The following CABLES1 variants were observed in gnomAD, a reference collection of about 807,000 sequenced individuals.
CABLES1 encodes the protein Cdk5 and Abl enzyme substrate 1.
In CABLES1, 36 loss-of-function variants were observed where a neutral mutation model predicts 57.8. That is an observed-to-expected ratio of 0.62 (90% CI 0.48 to 0.82). The LOEUF (loss-of-function observed/expected upper bound fraction) is 0.82. Ranked by LOEUF, CABLES1 falls within the 40% of genes least tolerant of loss-of-function variation. CABLES1 has a pLI of 0.00. For missense variants in CABLES1, 767 were observed against 836.6 expected (o/e 0.92, Z 1.03); for synonymous variants, 374 against 363.0 (o/e 1.03, Z -0.35).
chr18:23,163,549 G>A (rs2047020010), intron 1 of CABLES1, among the ~76,000 whole-genome samples: 1 of 152,118 alleles, frequency 6.6e-6, no homozygotes, highest in African/African-American at 2.4e-5. Context: ...AAGCCTGGGG[G>A]GCTGAGAGAA....
chr18:23,246,516 C>T (rs1422814067), intron 7 of CABLES1, among the ~76,000 whole-genome samples: 4 of 151,974 alleles, frequency 2.6e-5, no homozygotes, highest in Non-Finnish European at 5.9e-5. Flanking sequence ...GTCAGCCTCC[C>T]AAGTAGCTGG....
chr18:23,162,822 C>T (rs936812013), intron 1 of CABLES1, among the ~76,000 whole-genome samples: 12 of 152,004 alleles, frequency 7.9e-5, no homozygotes, highest in African/African-American at 1.9e-4. Flanking sequence ...CCAGTGTGGC[C>T]GAGGAGTATA....
At chr18:23,226,450 C>G (rs892997824) in intron 4 of CABLES1, among the ~76,000 whole-genome samples, 3 of 151,462 alleles carry the variant, frequency 2.0e-5, no homozygotes, top group Non-Finnish European at 4.4e-5. Flanking sequence ...ACCAGGAAAC[C>G]AAGAGGAGAG....
At chr18:23,235,508 C>T (rs934667084) in intron 5 of CABLES1, among the ~76,000 whole-genome samples, 1 of 152,174 alleles carries the variant, frequency 6.6e-6, no homozygotes, top group Admixed American at 6.5e-5. Flanking sequence ...TGGCCCTCAC[C>T]AGGGACTCTT....
At chr18:23,165,941 G>A (rs981957301) in intron 1 of CABLES1, among the ~76,000 whole-genome samples, 1 of 152,178 alleles carries the variant, frequency 6.6e-6, no homozygotes, top group Non-Finnish European at 1.5e-5. Context: ...CATCAAACAT[G>A]ATGCCTGGAC....
At position 23,135,724 on chromosome 18, in the gene CABLES1, T is replaced by G. The variant is rs2046813281; in HGVS notation, c.-39T>G. On this transcript the variant is annotated 5_prime_UTR_variant, in exon 1 of 10. Transcript: ENST00000256925. ...GCTTAGCGCTCGGGCGCCGCTCGCT[T>G]CTCCGGGCATCGCGGAAATCCCGCC... 1.0e-6 allele frequency: 1 copy of G among 985,432 alleles called. No individual in the cohort carries two copies. Among genetic ancestry groups the G allele is most frequent in the South Asian group, 4.7e-5 (1 of 21,320 alleles). 61.0% of individuals were successfully genotyped at this position (985,432 alleles called of 1,614,324 possible). A position where few individuals can be genotyped will look rare whatever the true frequency, so the allele number is the denominator to read the frequency against.
intron 4 of CABLES1, among the ~76,000 whole-genome samples, chr18:23,223,381 C>G (rs1023958517): frequency 5.9e-5 from 9 of 151,964 alleles, no homozygotes; most frequent in African/African-American, 2.2e-4. Flanking sequence ...AGTTTGAGAC[C>G]AGCCTGGCCG....
intron 1 of CABLES1, among the ~76,000 whole-genome samples, chr18:23,151,180 G>A (rs191432340): frequency 1.4e-3 from 210 of 151,998 alleles, no homozygotes; most frequent in African/African-American, 4.7e-3. Flanking sequence ...CACCACGCCC[G>A]GCTAATTTTT....
At chr18:23,164,104 C>T (rs1404995211) in intron 1 of CABLES1, among the ~76,000 whole-genome samples, 1 of 152,190 alleles carries the variant, frequency 6.6e-6, no homozygotes, top group Non-Finnish European at 1.5e-5. Flanking sequence ...TCTTTCATCA[C>T]ACCCCTTTGT....
intron 3 of CABLES1, among the ~76,000 whole-genome samples, chr18:23,205,181 C>T (rs1483479853): frequency 4.9e-5 from 4 of 81,184 alleles, no homozygotes; most frequent in South Asian, 4.9e-4. Flanking sequence ...TCATTCCTGA[C>T]TTTTTTTTTT....
intron 2 of CABLES1, among the ~76,000 whole-genome samples, chr18:23,193,984 A>G (rs887257293): frequency 1.3e-5 from 2 of 152,230 alleles, no homozygotes; most frequent in African/African-American, 4.8e-5. Flanking sequence ...ACAGCTGTCC[A>G]GGTAATTCAG....
At chr18:23,140,964 C>T (rs536974952) in intron 1 of CABLES1, among the ~76,000 whole-genome samples, 1 of 152,310 alleles carries the variant, frequency 6.6e-6, no homozygotes, top group South Asian at 2.1e-4. Context: ...AATGCACTTA[C>T]ATTTATAATC....
chr18:23,255,185 A>G (rs550535800), intron 9 of CABLES1, among the ~76,000 whole-genome samples: 4 of 152,250 alleles, frequency 2.6e-5, no homozygotes, highest in African/African-American at 7.2e-5. Flanking sequence ...GTTGGTTTGC[A>G]TTTGAAGAGC....
chr18:23,248,512 CTTTTTTTTT>C (rs59555750), intron 7 of CABLES1, among the ~76,000 whole-genome samples: 45 of 90,712 alleles, frequency 5.0e-4, no homozygotes, highest in Non-Finnish European at 6.6e-4. Context: ...GACCCTATGT[CTTTTTTTTT>C]TTTTTTTTTT....
chr18:23,232,824 G>A (rs1369297744), intron 4 of CABLES1, among the ~76,000 whole-genome samples: 2 of 152,164 alleles, frequency 1.3e-5, no homozygotes, highest in Admixed American at 1.3e-4. Context: ...GCTCATTCAT[G>A]TAATGCCCAG....
intron 2 of CABLES1, among the ~76,000 whole-genome samples, chr18:23,192,437 G>A (rs1297380726): frequency 6.6e-6 from 1 of 152,200 alleles, no homozygotes; most frequent in Non-Finnish European, 1.5e-5. Context: ...CCCTCTTTCT[G>A]CAGAGAGCAA....
chr18:23,171,919 C>A (rs564637130), intron 1 of CABLES1, among the ~76,000 whole-genome samples: 64 of 152,250 alleles, frequency 4.2e-4, no homozygotes, highest in African/African-American at 1.5e-3. Flanking sequence ...AGGGACCAAG[C>A]CTTATGTTTC....
intron 1 of CABLES1, among the ~76,000 whole-genome samples, chr18:23,163,281 C>T (rs2047017545): frequency 6.6e-6 from 1 of 152,058 alleles, no homozygotes; most frequent in Non-Finnish European, 1.5e-5. Flanking sequence ...TTAAGGAAGG[C>T]ACTTGGCTAT....
intron 7 of CABLES1, among the ~76,000 whole-genome samples, chr18:23,240,174 CA>C (rs2047699723): frequency 1.3e-5 from 2 of 152,150 alleles, no homozygotes; most frequent in Admixed American, 1.3e-4. Flanking sequence ...ACGTGGGCCC[CA>C]GGGGGTAGGC....
Sources: allele counts gnomAD v4.1 joint callset (sites outside exome capture counted in the v4.1 genomes callset), GRCh38; gene constraint gnomAD v4.1.1; transcripts MANE v1.5; gene names NCBI Gene and HGNC (gene_info 2026-07-23, HGNC 2026-07-21).